Variants in CLIC5 observed in about 807,000 individuals in gnomAD.
CLIC5 encodes the protein CLIC family member 5.
A neutral mutation model predicts 24.7 loss-of-function variants in CLIC5; 20 were observed. That is an observed-to-expected ratio of 0.81 (90% CI 0.57 to 1.18). The LOEUF (loss-of-function observed/expected upper bound fraction) is 1.18. Ranked by LOEUF, CLIC5 falls within the 50% of genes most tolerant of loss-of-function variation. The probability of loss-of-function intolerance (pLI) is 0.00; values close to 1 mark genes in which losing one functional copy is unlikely to be tolerated. For missense variants in CLIC5, 341 were observed against 326.1 expected, an observed-to-expected ratio of 1.05 and a Z score of -0.35; for synonymous variants, 159 against 135.6, an observed-to-expected ratio of 1.17 and a Z score of -1.20.
chr6:46,075,504 G>T (rs895495166), intron 1 of CLIC5, among the ~76,000 whole-genome samples: 1 of 152,134 alleles, frequency 6.6e-6, no homozygotes. Flanking sequence ...AGAATGGCTT[G>T]AGCCCAGGAG....
At chr6:45,980,436 G>C (rs1252942068) in intron 1 of CLIC5, among the ~76,000 whole-genome samples, 43 of 152,186 alleles carry the variant, frequency 2.8e-4, no homozygotes, top group Non-Finnish European at 4.4e-5. Context: ...AGTGGGGTGA[G>C]CATTGGAAAA....
At chr6:45,920,673 T>C (rs1763222295) in intron 4 of CLIC5, 23 of 980,412 alleles carry the variant, frequency 2.3e-5, no homozygotes, top group Non-Finnish European at 2.8e-5. Context: ...AGAAGAAGCC[T>C]TTCTTTCCAC....
intron 1 of CLIC5, among the ~76,000 whole-genome samples, chr6:45,976,948 A>G (rs1401808262): frequency 1.3e-5 from 2 of 152,164 alleles, no homozygotes; most frequent in African/African-American, 4.8e-5. Flanking sequence ...TTGTCTTCCC[A>G]TGTTTGGTTG....
At chr6:46,084,235 C>G (rs1170636351), upstream of CLIC5, among the ~76,000 whole-genome samples, 4 of 152,048 alleles carry the variant, frequency 2.6e-5, no homozygotes, top group Non-Finnish European at 4.4e-5. Context: ...ATCCAATTTG[C>G]CAGTCTGTGT....
chr6:45,884,727 A>G (rs1319434152), intron 6 of CLIC5, among the ~76,000 whole-genome samples: 2 of 152,138 alleles, frequency 1.3e-5, no homozygotes, highest in Non-Finnish European at 2.9e-5. Flanking sequence ...CAGGTAGACT[A>G]CTTTTTCTAT....
rs183421867 is a variant in CLIC5 at position 45,949,367 on chromosome 6, A to G, written c.188T>C (p.Leu63Pro). 5 of 1,613,536 alleles carry G rather than the reference A, an allele frequency of 3.1e-6. No individual in the cohort carries two copies. The Admixed American group carries it at 6.7e-5, about 22-fold the overall frequency. ...GTGCGTGCCGGGGGCTAGGTTGTGC[A>G]GGTCAGCTGGCTTTCTGTAGAGAGA... The part of the protein sequence containing the change: ...TVDLKRKPAD[L>P]HNLAPGTHPP... Residue 63 changes from leucine (L) to proline (P), a missense_variant, in exon 3 of 6, where the codon CTG (leucine) becomes CCG (proline). Transcript: ENST00000339561.
intron 1 of CLIC5, among the ~76,000 whole-genome samples, chr6:46,043,847 T>C (rs1164920755): frequency 6.6e-6 from 1 of 152,236 alleles, no homozygotes; most frequent in African/African-American, 2.4e-5. Flanking sequence ...TCTCTGTATC[T>C]AACTTGCAGA....
chr6:45,923,237 G>T (rs1763346963), intron 4 of CLIC5, among the ~76,000 whole-genome samples: 1 of 152,184 alleles, frequency 6.6e-6, no homozygotes, highest in Non-Finnish European at 1.5e-5. Flanking sequence ...TTATTTTTAA[G>T]TATCAGGCCA....
intron 1 of CLIC5, among the ~76,000 whole-genome samples, chr6:45,983,010 C>T (rs555467000): frequency 7.4e-4 from 113 of 152,230 alleles, no homozygotes; most frequent in African/African-American, 2.6e-3. Flanking sequence ...AGGCTGGTTG[C>T]CTACTTTTAT....
chr6:46,123,789 C>G, the CLIC5 span, among the ~76,000 whole-genome samples: 1 of 152,144 alleles, frequency 6.6e-6, no homozygotes, highest in Non-Finnish European at 1.5e-5. Flanking sequence ...ACACCAATAA[C>G]AGACAAACAG....
chr6:45,952,642 G>A (rs1201181102), intron 2 of CLIC5, among the ~76,000 whole-genome samples: 1 of 152,162 alleles, frequency 6.6e-6, no homozygotes. Flanking sequence ...ATGGGTAGAG[G>A]GGGCAGTAAG....
In CLIC5 at chr6:46,056,897, A is replaced by T. The variant is rs746677267; in HGVS notation, c.540+22806T>A. On this transcript the variant is annotated intron_variant, in intron 1 of 5. Transcript: ENST00000185206. ...TTATATAATTCAAGGGAAGAATAAA[A>T]TGTTGAAAACCCTCCTCACCCCCCA... Among the ~76,000 whole-genome samples the T allele has an allele frequency of 3.9e-5, 6 of 152,330 alleles. No homozygotes were observed. In the East Asian group the frequency reaches 5.8e-4, roughly 15 times the overall value.
At chr6:45,905,585 T>A (rs1346412063) in intron 5 of CLIC5, among the ~76,000 whole-genome samples, 1 of 152,132 alleles carries the variant, frequency 6.6e-6, no homozygotes, top group African/African-American at 2.4e-5. Flanking sequence ...ATTTGTTTTT[T>A]TCTTATTCAA....
chr6:45,915,090 C>A (rs1454582736), intron 4 of CLIC5, among the ~76,000 whole-genome samples: 1 of 150,104 alleles, frequency 6.7e-6, no homozygotes, highest in Non-Finnish European at 1.5e-5. Flanking sequence ...CCACCACACC[C>A]AGCTAATTTT....
Position 46,015,817 on chromosome 6 carries a change from G to A in CLIC5, c.-275C>T. 1 of 1,172,102 alleles carries A rather than the reference G, an allele frequency of 8.5e-7. No homozygotes were observed. Among genetic ancestry groups the A allele is most frequent in the Non-Finnish European group, 1.1e-6 (1 of 949,136 alleles). 72.6% of individuals were successfully genotyped at this position (1,172,102 alleles called of 1,614,324 possible). On this transcript the variant is annotated 5_prime_UTR_variant, in exon 1 of 6. Transcript: ENST00000339561. Reference sequence around the variant, plus strand: ...TGACAACAGGTCGTGGGAGCAACAAGTGCCGGGCTGCCCGGAGGTGTCACA... The same window carrying A: ...TGACAACAGGTCGTGGGAGCAACAAATGCCGGGCTGCCCGGAGGTGTCACA...
chr6:45,884,862 ACCC>A (rs1274324006), intron 6 of CLIC5, among the ~76,000 whole-genome samples: 2 of 151,746 alleles, frequency 1.3e-5, no homozygotes, highest in African/African-American at 4.8e-5. Context: ...GGGGTCTGGT[ACCC>A]CCAACTCCTT....
chr6:46,056,890 G>A (rs778218900), intron 1 of CLIC5, among the ~76,000 whole-genome samples: 1 of 152,124 alleles, frequency 6.6e-6, no homozygotes, highest in Admixed American at 6.6e-5. Flanking sequence ...TTCAAGGGAA[G>A]AATAAAATGT....
chr6:46,124,481 A>T, the CLIC5 span, among the ~76,000 whole-genome samples: 2 of 152,246 alleles, frequency 1.3e-5, no homozygotes, highest in East Asian at 1.9e-4. Context: ...CCCTAGATGA[A>T]AACCTAGGCA....
intron 2 of CLIC5, among the ~76,000 whole-genome samples, chr6:45,949,618 G>A (rs1218870027): frequency 6.6e-6 from 1 of 152,080 alleles, no homozygotes; most frequent in African/African-American, 2.4e-5. Context: ...CAAGATGAAG[G>A]AGTTGAAAAA....
Sources: allele counts gnomAD v4.1 joint callset (sites outside exome capture counted in the v4.1 genomes callset), GRCh38; gene constraint gnomAD v4.1.1; transcripts MANE v1.5; gene names NCBI Gene and HGNC (gene_info 2026-07-23, HGNC 2026-07-21).